The following HOOK3 variants were observed in gnomAD, a reference collection of about 807,000 sequenced individuals.
The protein encoded by HOOK3 is protein Hook homolog 3.
HOOK3 carries 24 observed loss-of-function variants against 116.3 expected under a neutral mutation model. That is an observed-to-expected ratio of 0.21 (90% confidence interval 0.15 to 0.29). The LOEUF is 0.29. HOOK3 is among the 10% of genes least tolerant of loss of function. The pLI is 1.00. For missense variants in HOOK3, 632 were observed against 830.2 expected (o/e 0.76, Z 2.93); for synonymous variants, 275 against 283.0 (o/e 0.97, Z 0.28).
chr8:42,897,006 C>T lies in HOOK3; in HGVS notation c.-126C>T, dbSNP rs1806990466. The T allele has an allele frequency of 4.9e-6, 3 of 609,288 alleles. No homozygotes were observed. The highest frequency in any genetic ancestry group is 7.2e-6 in the Non-Finnish European group (3 of 419,456). The allele number at this position is 609,288 out of a possible 1,614,324, so 37.7% of individuals were successfully genotyped here. A position where few individuals can be genotyped will look rare whatever the true frequency, so the allele number is the denominator to read the frequency against. On this transcript the variant is annotated 5_prime_UTR_variant, in exon 1 of 22. Transcript: ENST00000307602. ...GCCGCTGCCAGCGCTGGGCGAGAGT[C>T]GGCGGCCGGATCCGAGGAGCAGGCG... is the stretch of plus-strand genomic sequence containing the variant.
chr8:42,924,307 TCCTCCCTC>T (rs1208722433), intron 2 of HOOK3, among the ~76,000 whole-genome samples: 5 of 151,802 alleles, frequency 3.3e-5, no homozygotes, highest in South Asian at 4.2e-4. Flanking sequence ...AAAAGTTTTG[TCCTCCCTC>T]CCTCCCTCCC....
At chr8:42,939,007 A>G (rs1206021512) in intron 4 of HOOK3, among the ~76,000 whole-genome samples, 2 of 152,162 alleles carry the variant, frequency 1.3e-5, no homozygotes, top group East Asian at 1.9e-4. Flanking sequence ...GATACAGCAC[A>G]TGTTTCAGAG....
chr8:43,004,315 C>T lies in HOOK3; in HGVS notation c.1655+2174C>T, dbSNP rs534689893. 8.9e-5 allele frequency among the ~76,000 whole-genome samples: 13 copies of T among 145,996 alleles called. No homozygotes were observed. The South Asian group carries it at 2.0e-3, about 22-fold the overall frequency. ...CCAGAAACCAGAGGTTGCAGTGAGC[C>T]GAGATCACACCACTGCACTCCAGCC... is the stretch of plus-strand genomic sequence containing the variant. On this transcript the variant is annotated intron_variant, in intron 17 of 21. Transcript: ENST00000307602.
chr8:42,990,515 T>C (rs1809140087), intron 15 of HOOK3, among the ~76,000 whole-genome samples: 1 of 150,552 alleles, frequency 6.6e-6, no homozygotes, highest in Non-Finnish European at 1.5e-5. Context: ...ATTTTTTCTA[T>C]TTTTTTGTAG....
At chr8:42,979,087 A>G (rs191669660) in intron 13 of HOOK3, among the ~76,000 whole-genome samples, 4 of 152,204 alleles carry the variant, frequency 2.6e-5, no homozygotes, top group East Asian at 1.9e-4. Flanking sequence ...TTGAGACTCC[A>G]TCTGTCTCTA....
intron 21 of HOOK3, among the ~76,000 whole-genome samples, chr8:43,018,105 T>C (rs1347156656): frequency 6.6e-6 from 1 of 152,202 alleles, no homozygotes; most frequent in East Asian, 1.9e-4. Flanking sequence ...ATGGGTAAAG[T>C]CTGTCTCTAT....
At chr8:42,912,219 G>T (rs1807444540) in intron 2 of HOOK3, among the ~76,000 whole-genome samples, 1 of 152,166 alleles carries the variant, frequency 6.6e-6, no homozygotes. Context: ...ACATCATTTT[G>T]TAGTTTTAGG....
Position 42,906,201 on chromosome 8 carries a change from G to T in HOOK3, c.86G>T (p.Cys29Phe). ...WIQTFNVDAP[C>F]QTVEDLTNGV... ...CAGACATTTAATGTGGATGCACCAT[G>T]CCAGACCGTGGAAGATTTAACGAAT... Residue 29 changes from cysteine (C) to phenylalanine (F), a missense_variant, in exon 2 of 22, where the codon TGC becomes TTC. Transcript: ENST00000307602. The T allele has an allele frequency of 6.4e-7, 1 of 1,556,966 alleles. No individual in the cohort carries two copies. Among genetic ancestry groups the T allele is most frequent in the South Asian group, 1.1e-5 (1 of 90,048 alleles).
intron 8 of HOOK3, 79 bp downstream of exon 8, chr8:42,959,393 C>A: frequency 1.1e-6 from 1 of 948,694 alleles, no homozygotes. Context: ...TACTGTCATA[C>A]AGTACATCTT....
chr8:42,973,262 A>G (rs759172650), intron 11 of HOOK3, 27 bp from the exon 12 acceptor site: 45 of 1,585,656 alleles, frequency 2.8e-5, no homozygotes, highest in East Asian at 1.6e-4. Flanking sequence ...CAGATTATGT[A>G]TAAGTAATGG....
Position 42,964,186 on chromosome 8 carries a change from G to A in HOOK3, c.616-125G>A, listed in dbSNP as rs573881742. ...TGCGCCACTGCACTCCAGCCTGGGC[G>A]ACAGTGAGACTCCGCCTCAAAAAAT... is the stretch of plus-strand genomic sequence containing the variant. On this transcript the variant is annotated intron_variant, in intron 8 of 21. Coordinates refer to ENST00000307602, the MANE Select transcript of HOOK3 (RefSeq NM_032410.4). The A allele has an allele frequency of 1.7e-3, 1,489 of 881,844 alleles. 12 individuals carry two copies. The highest frequency in any genetic ancestry group is 5.9e-3 in the South Asian group (330 of 55,932). The allele number at this position is 881,844 out of a possible 1,614,324, so 54.6% of individuals were successfully genotyped here.
chr8:42,995,728 T>G (rs1021676674), intron 15 of HOOK3, among the ~76,000 whole-genome samples: 1 of 152,200 alleles, frequency 6.6e-6, no homozygotes, highest in African/African-American at 2.4e-5. Flanking sequence ...AAAATCAGAT[T>G]CCTATATTTC....
chr8:43,013,712 G>A (rs1202762003), intron 21 of HOOK3, among the ~76,000 whole-genome samples: 2 of 152,146 alleles, frequency 1.3e-5, no homozygotes, highest in Non-Finnish European at 2.9e-5. Context: ...AGATGCAATA[G>A]TTTTTGTTTT....
intron 15 of HOOK3, among the ~76,000 whole-genome samples, chr8:42,988,301 C>T (rs952856400): frequency 2.0e-5 from 3 of 152,154 alleles, no homozygotes; most frequent in Admixed American, 6.5e-5. Context: ...TCTTGATGTT[C>T]GCCTCATTCA....
chr8:42,942,836 G>C (rs2130385093), intron 4 of HOOK3, among the ~76,000 whole-genome samples: 1 of 152,304 alleles, frequency 6.6e-6, no homozygotes, highest in Admixed American at 6.5e-5. Context: ...TTTCATGTGG[G>C]AACAGTCAGT....
chr8:42,915,456 A>T (rs755748329), intron 2 of HOOK3, among the ~76,000 whole-genome samples: 88 of 152,116 alleles, frequency 5.8e-4, no homozygotes, highest in Admixed American at 1.5e-3. Flanking sequence ...TTAAAGACAG[A>T]GTCTTGCTCT....
chr8:42,995,988 G>T (rs1264382844), intron 15 of HOOK3, among the ~76,000 whole-genome samples: 4 of 152,074 alleles, frequency 2.6e-5, no homozygotes, highest in Admixed American at 2.6e-4. Flanking sequence ...TGTGTGGTCT[G>T]TCTGACCATG....
chr8:42,962,265 T>C (rs1359473004), intron 8 of HOOK3, among the ~76,000 whole-genome samples: 2 of 149,808 alleles, frequency 1.3e-5, no homozygotes, highest in South Asian at 2.1e-4. Context: ...TCATTTCTTT[T>C]TTTTTTTTTT....
intron 2 of HOOK3, among the ~76,000 whole-genome samples, chr8:42,924,469 A>AT: frequency 6.6e-6 from 1 of 152,058 alleles, no homozygotes. Context: ...TTTATCTTAA[A>AT]TTTTAAGTCT....
Sources: gnomAD v4.1 joint callset for allele counts (sites outside exome capture counted in the v4.1 genomes callset) on GRCh38, gnomAD v4.1.1 for gene constraint, MANE v1.5 for transcripts, NCBI Gene and HGNC (gene_info 2026-07-23, HGNC 2026-07-21) for gene names.